Variants in FOXP2 observed in about 807,000 individuals in gnomAD.
FOXP2 encodes forkhead box P2.
FOXP2 carries 12 observed loss-of-function variants against 115.8 expected under a neutral mutation model. The ratio of observed to expected loss-of-function variants is 0.10; its 90% CI spans 0.07 to 0.17. The LOEUF (loss-of-function observed/expected upper bound fraction) is 0.17. Ranked by LOEUF, FOXP2 falls within the 10% of genes least tolerant of loss-of-function variation. The pLI, the probability that FOXP2 is intolerant of heterozygous loss-of-function variation, is 1.00. For missense variants in FOXP2, 629 were observed against 843.5 expected (o/e 0.75, Z 3.15); for synonymous variants, 328 against 297.7 (o/e 1.10, Z -1.05).
rs556806948 is a variant in FOXP2, at chr7:114,269,270, T to G, written c.-101-18749T>G. 1.2e-4 allele frequency among the ~76,000 whole-genome samples: 18 copies of G among 152,208 alleles called. No individual in the cohort carries two copies. The South Asian group carries it at 3.3e-3, about 28-fold the overall frequency. On this transcript the variant is annotated intron_variant, in intron 1 of 17. Transcript: ENST00000634411. ...ATATTGTTGATATTTTGAATAGAGA[T>G]AGACAGAAAAAGAATTATTTGTAAT...
chr7:114,177,096 G>T (rs922883183), intron 1 of FOXP2, among the ~76,000 whole-genome samples: 2 of 152,098 alleles, frequency 1.3e-5, no homozygotes, highest in East Asian at 3.9e-4. Flanking sequence ...CATTCTATTT[G>T]GGGGCATTTT....
At chr7:114,267,239 C>T (rs1372596350) in intron 1 of FOXP2, among the ~76,000 whole-genome samples, 1 of 152,064 alleles carries the variant, frequency 6.6e-6, no homozygotes, top group Non-Finnish European at 1.5e-5. Context: ...AGAAAGCAGC[C>T]TTTACTAAGT....
chr7:114,262,863 G>A (rs971590599), intron 1 of FOXP2, among the ~76,000 whole-genome samples: 2 of 151,996 alleles, frequency 1.3e-5, no homozygotes, highest in South Asian at 2.1e-4. Flanking sequence ...TTATTTTTAG[G>A]TTTTTCTTTA....
intron 2 of FOXP2, among the ~76,000 whole-genome samples, chr7:114,322,811 C>A (rs1410036195): frequency 6.6e-6 from 1 of 151,972 alleles, no homozygotes; most frequent in African/African-American, 2.4e-5. Flanking sequence ...TTTTGTATAC[C>A]AAATTGATTT....
chr7:114,397,120 T>C (rs1242170696), intron 2 of FOXP2, among the ~76,000 whole-genome samples: 3 of 152,060 alleles, frequency 2.0e-5, no homozygotes, highest in Admixed American at 1.3e-4. Flanking sequence ...ATAGAAGCAA[T>C]GAAAAGCACA....
At chr7:114,333,232 G>T (rs867154546) in intron 2 of FOXP2, among the ~76,000 whole-genome samples, 3 of 152,170 alleles carry the variant, frequency 2.0e-5, no homozygotes, top group African/African-American at 7.2e-5. Flanking sequence ...CCCTGGAAGA[G>T]AAAAGATTAT....
rs1023508249 is a variant in FOXP2 at position 114,544,065 on chromosome 7, A to G, written c.258+9359A>G. Among the ~76,000 whole-genome samples, 5 of 152,150 alleles carry G rather than the reference A, an allele frequency of 3.3e-5. No individual in the cohort carries two copies. In the East Asian group the frequency reaches 5.8e-4, roughly 18 times the overall value. ...GAGGCAAAGTCTCACTATGTTGCCC[A>G]GGCTGGGCTCTAAATCCTGGGCTCA... On this transcript the variant is annotated intron_variant, in intron 3 of 16. Transcript: ENST00000350908.
intron 1 of FOXP2, among the ~76,000 whole-genome samples, chr7:114,125,193 T>G (rs1791675830): frequency 6.6e-6 from 1 of 152,144 alleles, no homozygotes; most frequent in Non-Finnish European, 1.5e-5. Flanking sequence ...TCATCTTATG[T>G]CTAGCACTAG....
intron 3 of FOXP2, among the ~76,000 whole-genome samples, chr7:114,577,000 A>G (rs543541459): frequency 9.2e-5 from 14 of 151,930 alleles, no homozygotes; most frequent in South Asian, 4.1e-4. Flanking sequence ...AAGAGTGTGC[A>G]TGTGTCTTTA....
chr7:114,659,710 C>A, intron 13 of FOXP2, 37 bp downstream of exon 13: 2 of 1,436,658 alleles, frequency 1.4e-6, no homozygotes, highest in African/African-American at 1.4e-5. Flanking sequence ...ATGCCTACCA[C>A]AGTTCCTTAC....
chr7:114,456,145 T>A (rs1437426092), intron 2 of FOXP2, among the ~76,000 whole-genome samples: 2 of 152,202 alleles, frequency 1.3e-5, no homozygotes, highest in African/African-American at 4.8e-5. Context: ...CTACCACTTT[T>A]ACTGAAATTA....
intron 1 of FOXP2, among the ~76,000 whole-genome samples, chr7:114,128,591 A>G (rs1562973367): frequency 6.6e-6 from 1 of 152,030 alleles, no homozygotes; most frequent in Admixed American, 6.6e-5. Flanking sequence ...ATAACTCACT[A>G]GTCTGGGATC....
At chr7:114,159,377 G>T (rs980076897), upstream of FOXP2, among the ~76,000 whole-genome samples, 1 of 151,946 alleles carries the variant, frequency 6.6e-6, no homozygotes, top group Non-Finnish European at 1.5e-5. Context: ...AGGATGTAAA[G>T]ATTTACTAAA....
intron 2 of FOXP2, among the ~76,000 whole-genome samples, chr7:114,304,021 T>C (rs1332067101): frequency 6.6e-6 from 1 of 152,146 alleles, no homozygotes; most frequent in Non-Finnish European, 1.5e-5. Flanking sequence ...AATGCAATTA[T>C]AATTAGATAA....
chr7:114,268,374 A>G lies in FOXP2; in HGVS notation c.-101-19645A>G, dbSNP rs1795950810. 1.3e-5 allele frequency among the ~76,000 whole-genome samples: 2 copies of G among 152,188 alleles called. 1 individual carries two copies. Among genetic ancestry groups the G allele is most frequent in the South Asian group, 4.1e-4 (2 of 4,824 alleles). Reference sequence around the variant, plus strand: ...TGCAAGAGGGAATTTGCTCATACATAGGATAATATTAGGGCATATTAGAAT... The same window carrying G: ...TGCAAGAGGGAATTTGCTCATACATGGGATAATATTAGGGCATATTAGAAT... On this transcript the variant is annotated intron_variant, in intron 1 of 17. Transcript: ENST00000634411.
At chr7:114,642,291 T>G in intron 6 of FOXP2, 119 bp from the exon 7 acceptor site, 1 of 775,822 alleles carries the variant, frequency 1.3e-6, no homozygotes, top group South Asian at 1.5e-5. Flanking sequence ...TGTTGTATAT[T>G]AATTTATGCA....
At chr7:114,488,300 G>T (rs1796885635) in intron 2 of FOXP2, among the ~76,000 whole-genome samples, 1 of 152,056 alleles carries the variant, frequency 6.6e-6, no homozygotes, top group East Asian at 1.9e-4. Context: ...AGACTCACGG[G>T]GATTATGGGA....
rs1271780387 is a variant in FOXP2 at position 114,690,467 on chromosome 7, A to G, written c.*541A>G. On this transcript the variant is annotated 3_prime_UTR_variant, in exon 17 of 17. Transcript: ENST00000350908. Reference sequence around the variant, plus strand: ...CTGCTTGTATCTAGCTGAATTTTAAACAACAGAACATTAGTTTTTTATGTT... The same window carrying G: ...CTGCTTGTATCTAGCTGAATTTTAAGCAACAGAACATTAGTTTTTTATGTT... 2.2e-6 allele frequency: 1 copy of G among 453,824 alleles called. No individual in the cohort carries two copies. Among genetic ancestry groups the G allele is most frequent in the Non-Finnish European group, 4.4e-6 (1 of 226,706 alleles). The allele number at this position is 453,824 out of a possible 1,614,324, so 28.1% of individuals were successfully genotyped here. A position where few individuals can be genotyped will look rare whatever the true frequency, so the allele number is the denominator to read the frequency against.
At chr7:114,648,272 C>A (rs1156352886) in intron 8 of FOXP2, among the ~76,000 whole-genome samples, 1 of 151,992 alleles carries the variant, frequency 6.6e-6, no homozygotes, top group Non-Finnish European at 1.5e-5. Flanking sequence ...ACAGTGCCCC[C>A]CCATCTCTGA....
Sources: allele counts gnomAD v4.1 joint callset (sites outside exome capture counted in the v4.1 genomes callset), GRCh38; gene constraint gnomAD v4.1.1; transcripts MANE v1.5; gene names NCBI Gene and HGNC (gene_info 2026-07-23, HGNC 2026-07-21).